Variants in FTCDNL1 observed in about 807,000 individuals in gnomAD.
The protein encoded by FTCDNL1 is formiminotransferase N-terminal subdomain-containing protein.
In FTCDNL1, 11 loss-of-function variants were observed where a neutral mutation model predicts 5.9. The observed-to-expected ratio is 1.87, with a 90% confidence interval of 1.18 to 3.10. FTCDNL1 has a LOEUF of 3.10. Ranked by LOEUF, FTCDNL1 falls within the 30% of genes most tolerant of loss-of-function variation. FTCDNL1 has a pLI of 0.00. For missense variants in FTCDNL1, 115 were observed against 65.5 expected, an observed-to-expected ratio of 1.76 and a Z score of -2.61; for synonymous variants, 58 against 24.8, an observed-to-expected ratio of 2.34 and a Z score of -3.99.
At chr2:199,840,968 T>C (rs746882812) in intron 3 of FTCDNL1, among the ~76,000 whole-genome samples, 4 of 151,858 alleles carry the variant, frequency 2.6e-5, no homozygotes, top group African/African-American at 9.7e-5. Flanking sequence ...CTGGGCAACA[T>C]GACAAGACCC....
the FTCDNL1 span, among the ~76,000 whole-genome samples, chr2:199,678,335 T>C: frequency 6.6e-6 from 1 of 152,096 alleles, no homozygotes; most frequent in African/African-American, 2.4e-5. Context: ...ATTATCTTTT[T>C]AGTAAGGTAA....
chr2:199,707,151 C>T, the FTCDNL1 span, among the ~76,000 whole-genome samples: 3 of 152,084 alleles, frequency 2.0e-5, no homozygotes, highest in South Asian at 2.1e-4. Context: ...GCATGTTATT[C>T]GACTCCTAGA....
intron 3 of FTCDNL1, among the ~76,000 whole-genome samples, chr2:199,778,840 C>A (rs894855121): frequency 1.3e-5 from 2 of 152,096 alleles, no homozygotes; most frequent in Non-Finnish European, 2.9e-5. Flanking sequence ...AGTATAATTG[C>A]AAATTCTTGT....
chr2:199,776,927 T>TACACAC (rs201417430), intron 3 of FTCDNL1, among the ~76,000 whole-genome samples: 16 of 147,550 alleles, frequency 1.1e-4, no homozygotes, highest in Admixed American at 4.1e-4. Flanking sequence ...TATATATATA[T>TACACAC]ACACACACAC....
At chr2:199,828,957 TC>T in intron 3 of FTCDNL1, among the ~76,000 whole-genome samples, 1 of 152,304 alleles carries the variant, frequency 6.6e-6, no homozygotes. Context: ...GGATCAATTT[TC>T]CACAGTCGTG....
At chr2:199,755,784 A>G (rs1698055076), downstream of FTCDNL1, among the ~76,000 whole-genome samples, 1 of 152,180 alleles carries the variant, frequency 6.6e-6, no homozygotes, top group African/African-American at 2.4e-5. Flanking sequence ...TTCCTCATCT[A>G]TAAATAAGGG....
the FTCDNL1 span, among the ~76,000 whole-genome samples, chr2:199,711,858 T>G: frequency 1.3e-5 from 2 of 152,060 alleles, no homozygotes; most frequent in Non-Finnish European, 2.9e-5. Flanking sequence ...AAGGTCACAT[T>G]GAGAGGAGCA....
chr2:199,760,837 T>C lies in FTCDNL1; in HGVS notation c.212-2A>G, dbSNP rs62178283. 2.0e-5 allele frequency: 14 copies of C among 702,204 alleles called. No individual in the cohort carries two copies. The highest frequency in any genetic ancestry group is 3.6e-5 in the Non-Finnish European group (14 of 384,820). 43.5% of individuals were successfully genotyped at this position (702,204 alleles called of 1,614,324 possible). A position where few individuals can be genotyped will look rare whatever the true frequency, so the allele number is the denominator to read the frequency against. ...TTTAGGCTTGGTTGCGCTTGTCCAC[T>C]GGGAATAAGGGAAGGAGAGATTAGT... On this transcript the variant is annotated splice_acceptor_variant, in intron 3 of 3. Transcript: ENST00000416668. LOFTEE classifies it high-confidence loss of function.
the FTCDNL1 span, among the ~76,000 whole-genome samples, chr2:199,693,067 G>A: frequency 6.6e-6 from 1 of 152,184 alleles, no homozygotes; most frequent in Non-Finnish European, 1.5e-5. Context: ...AAACAGGATA[G>A]AATACTTTCT....
downstream of FTCDNL1, among the ~76,000 whole-genome samples, chr2:199,760,384 C>G (rs1181746894): frequency 1.3e-5 from 2 of 152,294 alleles, no homozygotes; most frequent in East Asian, 3.9e-4. Context: ...ACAACCCTGT[C>G]ATTTACAACC....
intron 4 of FTCDNL1, among the ~76,000 whole-genome samples, chr2:199,813,687 C>T (rs1341958932): frequency 6.6e-6 from 1 of 151,888 alleles, no homozygotes; most frequent in South Asian, 2.1e-4. Context: ...TCGAGGCAGG[C>T]GGATCACAAG....
At chr2:199,796,919 C>T (rs1700201432) in intron 3 of FTCDNL1, among the ~76,000 whole-genome samples, 2 of 152,028 alleles carry the variant, frequency 1.3e-5, no homozygotes, top group African/African-American at 4.8e-5. Flanking sequence ...CCTCATTGAC[C>T]AACTCTAAAC....
chr2:199,711,457 GA>G, the FTCDNL1 span, among the ~76,000 whole-genome samples: 3 of 152,022 alleles, frequency 2.0e-5, no homozygotes, highest in African/African-American at 7.3e-5. Flanking sequence ...ATACTCCCTT[GA>G]AAATGAGAAG....
chr2:199,755,474 T>A, the FTCDNL1 span, among the ~76,000 whole-genome samples: 1 of 152,230 alleles, frequency 6.6e-6, no homozygotes, highest in South Asian at 2.1e-4. Flanking sequence ...AACTCTAGGT[T>A]CACCATTTAT....
chr2:199,771,324 T>A (rs1017679259), intron 3 of FTCDNL1, among the ~76,000 whole-genome samples: 8 of 152,088 alleles, frequency 5.3e-5, no homozygotes, highest in Non-Finnish European at 1.2e-4. Context: ...CCTTCCCATA[T>A]CAGACACCAT....
intron 3 of FTCDNL1, among the ~76,000 whole-genome samples, chr2:199,778,242 C>G (rs1166420404): frequency 6.6e-6 from 1 of 152,120 alleles, no homozygotes; most frequent in Non-Finnish European, 1.5e-5. Context: ...TCACTAACAC[C>G]TCAATGATTC....
intron 3 of FTCDNL1, among the ~76,000 whole-genome samples, chr2:199,765,552 A>ATTTTT (rs1408657776): frequency 5.2e-5 from 3 of 57,732 alleles, no homozygotes; most frequent in African/African-American, 9.1e-5. Flanking sequence ...ATATATATAT[A>ATTTTT]TATATTTTTT....
intron 4 of FTCDNL1, among the ~76,000 whole-genome samples, chr2:199,813,415 T>C (rs571149611): frequency 3.1e-4 from 47 of 152,242 alleles, no homozygotes; most frequent in African/African-American, 1.1e-3. Flanking sequence ...GCCAAAGTTG[T>C]TTAGGGGTGT....
At chr2:199,739,034 T>C in the FTCDNL1 span, among the ~76,000 whole-genome samples, 1 of 152,184 alleles carries the variant, frequency 6.6e-6, no homozygotes, top group Non-Finnish European at 1.5e-5. Context: ...ATGGGGAAAT[T>C]ACTAGAAACC....
Sources: allele counts gnomAD v4.1 joint callset (sites outside exome capture counted in the v4.1 genomes callset), GRCh38; gene constraint gnomAD v4.1.1; transcripts MANE v1.5; gene names NCBI Gene and HGNC (gene_info 2026-07-23, HGNC 2026-07-21).